COL8A1: variants seen among roughly 807,000 people sequenced by gnomAD.
COL8A1 encodes the protein collagen alpha-1(VIII) chain.
A neutral mutation model predicts 42.7 loss-of-function variants in COL8A1; 21 were observed. The observed-to-expected ratio is 0.49, with a 90% CI of 0.35 to 0.71. The LOEUF (loss-of-function observed/expected upper bound fraction) is 0.71. COL8A1 is among the 30% of genes least tolerant of loss of function. The pLI, the probability that COL8A1 is intolerant of heterozygous loss-of-function variation, is 0.01. For synonymous variants in COL8A1, 367 were observed against 369.1 expected, an observed-to-expected ratio of 0.99 and a Z score of 0.06; for missense variants, 788 against 962.4, an observed-to-expected ratio of 0.82 and a Z score of 2.40.
chr3:99,739,333 C>T (rs150799688), intron 1 of COL8A1, among the ~76,000 whole-genome samples: 2,137 of 152,216 alleles, frequency 0.014, 51 homozygotes, highest in African/African-American at 0.049. Flanking sequence ...TCTACCATTG[C>T]GGGGTCTGGA....
chr3:99,736,118 AT>A (rs2107392919), intron 1 of COL8A1, among the ~76,000 whole-genome samples: 1 of 152,136 alleles, frequency 6.6e-6, no homozygotes, highest in South Asian at 2.1e-4. Flanking sequence ...AGATTCATTA[AT>A]TTTTTGAAGG....
intron 2 of COL8A1, among the ~76,000 whole-genome samples, chr3:99,789,614 C>T (rs1053103986): frequency 1.1e-4 from 16 of 152,090 alleles, no homozygotes; most frequent in Admixed American, 7.9e-4. Flanking sequence ...AAGCCTAGGG[C>T]GTTTCCAAAC....
chr3:99,716,072 G>A (rs1231369564), intron 1 of COL8A1, among the ~76,000 whole-genome samples: 1 of 152,018 alleles, frequency 6.6e-6, no homozygotes, highest in African/African-American at 2.4e-5. Context: ...TCAGCAAACT[G>A]ATTGCTATGT....
Position 99,790,734 on chromosome 3 carries a change from T to C in COL8A1, c.52T>C (p.Ser18Pro), listed in dbSNP as rs1185519633. Residue 18 changes from serine (S) to proline (P), a missense_variant, in exon 3 of 4, where the codon TCC becomes CCC. Coordinates refer to ENST00000652472, the MANE Select transcript of COL8A1 (RefSeq NM_020351.4). ...LQLLGVLLTI[S>P]LSSIRLIQAG... ...GCTGCTGGGAGTGCTGCTTACCATT[T>C]CCCTGAGTTCCATCAGGCTCATTCA... 6.2e-7 allele frequency: 1 copy of C among 1,614,072 alleles called. No individual in the cohort carries two copies. The highest frequency in any genetic ancestry group is 1.3e-5 in the African/African-American group (1 of 74,938).
chr3:99,796,280 G>A lies in COL8A1; in HGVS notation c.*144G>A. 1 of 649,984 alleles carries A rather than the reference G, an allele frequency of 1.5e-6. No individual in the cohort carries two copies. The highest frequency in any genetic ancestry group is 3.4e-5 in the Admixed American group (1 of 29,502). The allele number at this position is 649,984 out of a possible 1,614,324, so 40.3% of individuals were successfully genotyped here. ...TGTAAGTGAAAATTTGGACCATTGT[G>A]TACAAATAAAAACTAAGATGCATGT... On this transcript the variant is annotated 3_prime_UTR_variant, in exon 4 of 4. Coordinates refer to ENST00000652472, the MANE Select transcript of COL8A1 (RefSeq NM_020351.4).
In COL8A1 at chr3:99,743,900, A is replaced by C. The variant is rs1051624964; in HGVS notation, c.-128-997A>C. 2.0e-5 allele frequency among the ~76,000 whole-genome samples: 3 copies of C among 151,866 alleles called. No individual in the cohort carries two copies. The East Asian group carries it at 5.8e-4, about 29-fold the overall frequency. ...AATGACTGAAGTTGTTCCTCTTAAA[A>C]TATTTTTTGAACAGCAAATGTAGAT... On this transcript the variant is annotated intron_variant, in intron 1 of 3. Coordinates refer to ENST00000652472, the MANE Select transcript of COL8A1 (RefSeq NM_020351.4).
chr3:99,657,526 T>G (rs1445950624), intron 1 of COL8A1, among the ~76,000 whole-genome samples: 1 of 152,196 alleles, frequency 6.6e-6, no homozygotes. Flanking sequence ...TTTATTTCAG[T>G]ACTAAAATCT....
intron 2 of COL8A1, among the ~76,000 whole-genome samples, chr3:99,750,049 CTTTTT>C (rs1176042144): frequency 1.5e-5 from 1 of 65,960 alleles, no homozygotes; most frequent in Non-Finnish European, 2.6e-5. Flanking sequence ...TTTTTTTCTT[CTTTTT>C]TTTTTTTTTT....
rs909992391 is a variant in COL8A1 at position 99,796,657 on chromosome 3, G to C, written c.*521G>C. 4 of 152,242 alleles carry C rather than the reference G, an allele frequency of 2.6e-5. No individual in the cohort carries two copies. In the East Asian group the frequency reaches 7.7e-4, roughly 29 times the overall value. 9.4% of individuals were successfully genotyped at this position (152,242 alleles called of 1,614,324 possible). ...CCGTAGTGTTACCGCCCCAGTGGGA[G>C]GGGGCCCTGGGGACCCTGGTAATGC... On this transcript the variant is annotated 3_prime_UTR_variant, in exon 4 of 4. Coordinates refer to ENST00000652472, the MANE Select transcript of COL8A1 (RefSeq NM_020351.4).
At chr3:99,711,282 C>T (rs934552482) in intron 1 of COL8A1, among the ~76,000 whole-genome samples, 3 of 152,020 alleles carry the variant, frequency 2.0e-5, no homozygotes, top group African/African-American at 4.8e-5. Flanking sequence ...AAAAGGTGAT[C>T]GTTATTCAGT....
At chr3:99,664,822 T>C (rs1938314792) in intron 1 of COL8A1, among the ~76,000 whole-genome samples, 1 of 152,376 alleles carries the variant, frequency 6.6e-6, no homozygotes, top group Admixed American at 6.5e-5. Flanking sequence ...TGCATGGCCA[T>C]GCAGCCCCAG....
At position 99,770,921 on chromosome 3, in the gene COL8A1, C is replaced by A. The variant is rs80020661; in HGVS notation, c.-3-19759C>A. ...ATGTGATAGAGAGTGACTGGGTTTG[C>A]GCACTGCCTTCGCCAGAGTGGTCAA... On this transcript the variant is annotated intron_variant, in intron 2 of 3. Coordinates refer to ENST00000652472, the MANE Select transcript of COL8A1 (RefSeq NM_020351.4). Among the ~76,000 whole-genome samples, 963 of 152,264 alleles carry A rather than the reference C, an allele frequency of 6.3e-3. 12 individuals are homozygous for A. Among genetic ancestry groups the A allele is most frequent in the African/African-American group, 0.022 (925 of 41,544 alleles).
At chr3:99,673,139 C>A (rs1398413409) in intron 1 of COL8A1, among the ~76,000 whole-genome samples, 4 of 151,964 alleles carry the variant, frequency 2.6e-5, no homozygotes, top group Non-Finnish European at 5.9e-5. Context: ...GAACTTTTGA[C>A]CTACGATTTA....
chr3:99,731,944 A>T (rs1476840093), intron 1 of COL8A1, among the ~76,000 whole-genome samples: 1 of 152,144 alleles, frequency 6.6e-6, no homozygotes, highest in Non-Finnish European at 1.5e-5. Flanking sequence ...AGGCCACATA[A>T]CAAAATGAGA....
intron 2 of COL8A1, among the ~76,000 whole-genome samples, chr3:99,778,418 T>A (rs540885129): frequency 5.3e-4 from 80 of 152,302 alleles, no homozygotes; most frequent in African/African-American, 1.9e-3. Context: ...TGAGAAGTCT[T>A]AAATTGCATA....
intron 1 of COL8A1, among the ~76,000 whole-genome samples, chr3:99,737,707 G>A (rs190644132): frequency 3.2e-4 from 49 of 152,066 alleles, no homozygotes; most frequent in Non-Finnish European, 5.6e-4. Flanking sequence ...ATGTGTCTCG[G>A]AGTTGCTCTT....
chr3:99,748,422 T>G (rs1941075191), intron 2 of COL8A1, among the ~76,000 whole-genome samples: 1 of 152,170 alleles, frequency 6.6e-6, no homozygotes, highest in South Asian at 2.1e-4. Flanking sequence ...CATCAATACT[T>G]TATATATTGA....
chr3:99,724,014 T>G (rs888535905), intron 1 of COL8A1, among the ~76,000 whole-genome samples: 1 of 152,136 alleles, frequency 6.6e-6, no homozygotes, highest in Non-Finnish European at 1.5e-5. Flanking sequence ...TATTGTTTGG[T>G]TTTTATTGCA....
In COL8A1 at chr3:99,716,864, C is replaced by T. The variant is rs764517819; in HGVS notation, c.-128-28033C>T. The stretch of plus-strand genomic sequence containing the variant: ...AGGTTGTTCAGTCCCGTTTAAATTC[C>T]AGCCATGGCATTTGACTCTCTGGCC... On this transcript the variant is annotated intron_variant, in intron 1 of 3. Transcript: ENST00000652472. Among the ~76,000 whole-genome samples, 64 of 151,982 alleles carry T rather than the reference C, an allele frequency of 4.2e-4. 1 individual carries two copies. Among genetic ancestry groups the T allele is most frequent in the Non-Finnish European group, 7.4e-5 (5 of 67,942 alleles).
Sources: gnomAD v4.1 joint callset for allele counts (sites outside exome capture counted in the v4.1 genomes callset) on GRCh38, gnomAD v4.1.1 for gene constraint, MANE v1.5 for transcripts, NCBI Gene and HGNC (gene_info 2026-07-23, HGNC 2026-07-21) for gene names.